The following CHST11 variants were observed in gnomAD, a reference collection of about 807,000 sequenced individuals.
CHST11 encodes C4S-1.
A neutral mutation model predicts 30.4 loss-of-function variants in CHST11; 9 were observed. The ratio of observed to expected loss-of-function variants is 0.30; its 90% CI spans 0.18 to 0.52. The LOEUF (loss-of-function observed/expected upper bound fraction) is 0.52. Ranked by LOEUF, CHST11 falls within the 20% of genes least tolerant of loss-of-function variation. The probability of loss-of-function intolerance (pLI) is 0.97; values close to 1 mark genes in which losing one functional copy is unlikely to be tolerated. For missense variants in CHST11, 348 were observed against 460.6 expected (o/e 0.76, Z 2.24); for synonymous variants, 152 against 187.8 (o/e 0.81, Z 1.56).
intron 1 of CHST11, among the ~76,000 whole-genome samples, chr12:104,522,571 C>T (rs1447021278): frequency 2.0e-5 from 3 of 152,228 alleles, no homozygotes; most frequent in South Asian, 2.1e-4. Context: ...CCCCAGACCA[C>T]TCACTCATCC....
intron 1 of CHST11, among the ~76,000 whole-genome samples, chr12:104,542,471 C>A (rs1374151113): frequency 6.6e-6 from 1 of 152,152 alleles, no homozygotes; most frequent in Admixed American, 6.5e-5. Flanking sequence ...CATGGGTGAA[C>A]CTTGAAGACA....
At position 104,758,105 on chromosome 12, in the gene CHST11, GT is replaced by G. The variant is rs1003151722; in HGVS notation, c.*304del. 2.8e-5 allele frequency: 6 copies of G among 216,784 alleles called. No individual in the cohort carries two copies. Among genetic ancestry groups the G allele is most frequent in the Non-Finnish European group, 2.7e-5 (3 of 109,766 alleles). 13.4% of individuals were successfully genotyped at this position (216,784 alleles called of 1,614,324 possible). ...TAAATTCTAATTAATATTATTTATA[GT>G]TATTTAAACATGGTCTCATTATTTC... On this transcript the variant is annotated 3_prime_UTR_variant, in exon 3 of 3. Coordinates refer to ENST00000303694, the MANE Select transcript of CHST11 (RefSeq NM_018413.6).
Position 104,761,370 on chromosome 12 carries a change from C to T in CHST11, c.*3567C>T, listed in dbSNP as rs975692281. The T allele has an allele frequency of 5.3e-5, 8 of 152,244 alleles. No individual in the cohort carries two copies. The highest frequency in any genetic ancestry group is 1.2e-4 in the Non-Finnish European group (8 of 68,100). The allele number at this position is 152,244 out of a possible 1,614,324, so 9.4% of individuals were successfully genotyped here. On this transcript the variant is annotated 3_prime_UTR_variant, in exon 3 of 3. Coordinates refer to ENST00000303694, the MANE Select transcript of CHST11 (RefSeq NM_018413.6). The stretch of plus-strand genomic sequence containing the variant: ...TCCAGAGCAAAGTGTGCGGGTCCCA[C>T]AAATGCTTGGCTGGTGGGGTCTGGA...
chr12:104,461,583 G>C (rs546166522), intron 1 of CHST11, among the ~76,000 whole-genome samples: 1 of 152,202 alleles, frequency 6.6e-6, no homozygotes, highest in Non-Finnish European at 1.5e-5. Context: ...CCATAGGATT[G>C]TGGTTTTTGT....
intron 2 of CHST11, among the ~76,000 whole-genome samples, chr12:104,603,431 G>A (rs1389117898): frequency 1.3e-5 from 2 of 152,206 alleles, no homozygotes; most frequent in Non-Finnish European, 2.9e-5. Context: ...CACCGCCCCT[G>A]TGGATGGAAG....
chr12:104,597,167 C>T (rs1429476890), intron 1 of CHST11, among the ~76,000 whole-genome samples: 3 of 152,172 alleles, frequency 2.0e-5, no homozygotes, highest in South Asian at 2.1e-4. Flanking sequence ...TTGAAAACAA[C>T]GTGCTCTTCA....
At chr12:104,570,201 C>A (rs1413885235) in intron 1 of CHST11, among the ~76,000 whole-genome samples, 1 of 152,150 alleles carries the variant, frequency 6.6e-6, no homozygotes, top group African/African-American at 2.4e-5. Flanking sequence ...TCACAAGAGC[C>A]AGGCTCAGGT....
intron 2 of CHST11, among the ~76,000 whole-genome samples, chr12:104,694,428 G>A (rs759334748): frequency 5.3e-5 from 8 of 152,264 alleles, no homozygotes; most frequent in Middle Eastern, 3.4e-3. Flanking sequence ...ACCAGGCCCC[G>A]GAGTTCAAAG....
chr12:104,548,507 GA>G (rs2038374485), intron 1 of CHST11, among the ~76,000 whole-genome samples: 1 of 152,140 alleles, frequency 6.6e-6, no homozygotes, highest in Non-Finnish European at 1.5e-5. Flanking sequence ...AAGGGAGAGA[GA>G]AAAGGGAAGA....
intron 1 of CHST11, among the ~76,000 whole-genome samples, chr12:104,537,296 G>C (rs1224476219): frequency 6.6e-6 from 1 of 152,198 alleles, no homozygotes; most frequent in African/African-American, 2.4e-5. Context: ...TGGTGGGCTG[G>C]TGCTATCCAT....
At chr12:104,662,749 G>A (rs2039608555) in intron 2 of CHST11, among the ~76,000 whole-genome samples, 1 of 152,158 alleles carries the variant, frequency 6.6e-6, no homozygotes, top group African/African-American at 2.4e-5. Context: ...TTTCAGAGGA[G>A]GAGGGTCTGT....
chr12:104,718,301 T>C lies in CHST11; in HGVS notation c.205-38648T>C, dbSNP rs1385741749. Among the ~76,000 whole-genome samples the C allele has an allele frequency of 6.6e-5, 10 of 151,958 alleles. No individual in the cohort carries two copies. The East Asian group carries it at 1.2e-3, about 18-fold the overall frequency. ...AGAAGTGGGATTTGAACCCAGGGAGTTGGACTCCAGAATCTTCTCTCTTTC... is the reference window on the plus strand; with the variant it reads ...AGAAGTGGGATTTGAACCCAGGGAGCTGGACTCCAGAATCTTCTCTCTTTC... On this transcript the variant is annotated intron_variant, in intron 2 of 2. Transcript: ENST00000303694.
rs1370153193 is a variant in CHST11, at chr12:104,729,319, T to G, written c.205-27630T>G. Reference sequence around the variant, plus strand: ...AATCGTGCTTCCTGTCCTGACCATCTTATCAGTTGTCCTGATGCTCAAGTG... The same window carrying G: ...AATCGTGCTTCCTGTCCTGACCATCGTATCAGTTGTCCTGATGCTCAAGTG... On this transcript the variant is annotated intron_variant, in intron 2 of 2. Coordinates refer to ENST00000303694, the MANE Select transcript of CHST11 (RefSeq NM_018413.6). This position sits in a 1 kb window ranked among gnomAD's most constrained non-coding sequence, Gnocchi z 4.0. Among the ~76,000 whole-genome samples the G allele has an allele frequency of 6.6e-6, 1 of 152,224 alleles. No individual in the cohort carries two copies. Among genetic ancestry groups the G allele is most frequent in the African/African-American group, 2.4e-5 (1 of 41,460 alleles).
rs76785043 is a variant in CHST11 at position 104,681,139 on chromosome 12, C to T, written c.205-75810C>T. Among the ~76,000 whole-genome samples, 923 of 152,330 alleles carry T rather than the reference C, an allele frequency of 6.1e-3. 12 individuals carry two copies. The highest frequency in any genetic ancestry group is 0.021 in the African/African-American group (874 of 41,576). Reference sequence around the variant, plus strand: ...AGTACCTGGAAGGAAAGGTACAACACTTCTCTAGTAACACATCACTGGGTG... The same window carrying T: ...AGTACCTGGAAGGAAAGGTACAACATTTCTCTAGTAACACATCACTGGGTG... On this transcript the variant is annotated intron_variant, in intron 2 of 2. Coordinates refer to ENST00000303694, the MANE Select transcript of CHST11 (RefSeq NM_018413.6).
At chr12:104,540,164 T>C (rs1163394637) in intron 1 of CHST11, among the ~76,000 whole-genome samples, 5 of 152,226 alleles carry the variant, frequency 3.3e-5, no homozygotes, top group Non-Finnish European at 7.3e-5. Flanking sequence ...TTTTTCTGAA[T>C]ATTTTCCATC....
chr12:104,736,495 T>G (rs553519503), intron 2 of CHST11, among the ~76,000 whole-genome samples: 1 of 152,310 alleles, frequency 6.6e-6, no homozygotes, highest in South Asian at 2.1e-4. Flanking sequence ...ATGTTTCTGG[T>G]TAGAAGTTCG....
chr12:104,621,816 A>G (rs908279198), intron 2 of CHST11, among the ~76,000 whole-genome samples: 2 of 152,188 alleles, frequency 1.3e-5, no homozygotes, highest in African/African-American at 4.8e-5. Context: ...GCAATAGAAA[A>G]CTAACATGCA....
At chr12:104,582,160 C>T (rs974950511) in intron 1 of CHST11, among the ~76,000 whole-genome samples, 15 of 152,240 alleles carry the variant, frequency 9.9e-5, no homozygotes, top group Admixed American at 5.2e-4. Flanking sequence ...CAGTGCTTTC[C>T]GCTCATGTCC....
chr12:104,544,125 TAAAAAAAAA>T (rs60776273), intron 1 of CHST11, among the ~76,000 whole-genome samples: 13 of 97,392 alleles, frequency 1.3e-4, no homozygotes, highest in African/African-American at 5.6e-4. Flanking sequence ...CCCTGTCTGT[TAAAAAAAAA>T]AAAAAAAGAA....
Sources: allele counts gnomAD v4.1 joint callset (sites outside exome capture counted in the v4.1 genomes callset), GRCh38; gene constraint gnomAD v4.1.1; non-coding constraint Gnocchi (gnomAD v3.1); transcripts MANE v1.5; gene names NCBI Gene and HGNC (gene_info 2026-07-23, HGNC 2026-07-21).